Variants in NSMAF observed in about 807,000 individuals in gnomAD.
NSMAF encodes protein FAN.
NSMAF carries 90 observed loss-of-function variants against 134.9 expected under a neutral mutation model. The ratio of observed to expected loss-of-function variants is 0.67; its 90% CI spans 0.56 to 0.79. The LOEUF is 0.79. Ranked by LOEUF, NSMAF falls within the 30% of genes least tolerant of loss-of-function variation. NSMAF has a pLI of 0.00. For missense variants in NSMAF, 1,010 were observed against 1,119.0 expected (o/e 0.90, Z 1.39); for synonymous variants, 358 against 389.6 (o/e 0.92, Z 0.96).
At chr8:58,654,338 A>G (rs976746622) in intron 1 of NSMAF, among the ~76,000 whole-genome samples, 3 of 152,166 alleles carry the variant, frequency 2.0e-5, no homozygotes, top group Admixed American at 1.3e-4. Context: ...CTCACCTGAG[A>G]TCGGGAGTTC....
At chr8:58,610,352 C>T (rs1806500802) in intron 9 of NSMAF, among the ~76,000 whole-genome samples, 1 of 152,158 alleles carries the variant, frequency 6.6e-6, no homozygotes, top group African/African-American at 2.4e-5. Context: ...GGGAAAACAA[C>T]CAAATCATCA....
chr8:58,635,110 T>C (rs1439638456), intron 5 of NSMAF, 79 bp downstream of exon 5: 1 of 1,050,424 alleles, frequency 9.5e-7, no homozygotes, highest in East Asian at 2.4e-5. Context: ...TCATCTGATA[T>C]CTCTACAAGT....
At position 58,659,520 on chromosome 8, in the gene NSMAF, C is replaced by G. The variant is rs1166829526; in HGVS notation, c.59+53G>C. 2.0e-6 allele frequency: 3 copies of G among 1,510,348 alleles called. No individual in the cohort carries two copies. In the Admixed American group the frequency reaches 6.2e-5, roughly 31 times the overall value. 93.6% of individuals were successfully genotyped at this position (1,510,348 alleles called of 1,614,324 possible). A position where few individuals can be genotyped will look rare whatever the true frequency, so the allele number is the denominator to read the frequency against. On this transcript the variant is annotated intron_variant, in intron 1 of 30. Coordinates refer to ENST00000038176, the MANE Select transcript of NSMAF (RefSeq NM_003580.4). ...CTCAGATCTCCGGCCGGCGTCCCCA[C>G]GACCGGCCCCGACTAGGCCCCCGGC...
chr8:58,622,460 C>G (rs1169869348), intron 9 of NSMAF, among the ~76,000 whole-genome samples: 1 of 151,900 alleles, frequency 6.6e-6, no homozygotes, highest in Non-Finnish European at 1.5e-5. Flanking sequence ...GTGGCATGAT[C>G]TTAGCTCACT....
rs371130332 is a variant in NSMAF, at chr8:58,602,134, A to T, written c.1049T>A (p.Leu350Ter). The part of the protein sequence containing the change: ...IHDYSSSELD[L>*]SNPGTFRDLS... ...ATCCCGGAAGGTTCCTGGATTTGAC[A>T]AATCTATAAACATAAATCAATAAAT... The change falls in exon 14 of 31, where the codon TTG becomes TAG. Residue 350 changes from leucine to a stop codon, truncating the protein, a stop_gained. Transcript: ENST00000038176. LOFTEE classifies it high-confidence loss of function. The T allele has an allele frequency of 1.9e-6, 3 of 1,611,138 alleles. No individual in the cohort carries two copies. The highest frequency in any genetic ancestry group is 2.5e-6 in the Non-Finnish European group (3 of 1,177,648).
intron 23 of NSMAF, among the ~76,000 whole-genome samples, chr8:58,592,955 A>G (rs904871418): frequency 9.2e-5 from 14 of 152,138 alleles, no homozygotes; most frequent in African/African-American, 2.9e-4. Context: ...GTGAAAATCC[A>G]CAGAGGAGTG....
At chr8:58,595,925 C>T (rs781549080) in intron 21 of NSMAF, 5 of 286,900 alleles carry the variant, frequency 1.7e-5, no homozygotes, top group Non-Finnish European at 2.7e-5. Flanking sequence ...CGGCCTCTAA[C>T]TTATGAATTT....
intron 1 of NSMAF, among the ~76,000 whole-genome samples, chr8:58,650,461 G>T (rs189782943): frequency 2.6e-4 from 40 of 151,580 alleles, no homozygotes; most frequent in Non-Finnish European, 8.8e-5. Flanking sequence ...TTCTTTTTTA[G>T]CTTCCTTCCA....
At chr8:58,641,949 G>A (rs1188027800) in intron 2 of NSMAF, among the ~76,000 whole-genome samples, 1 of 152,186 alleles carries the variant, frequency 6.6e-6, no homozygotes, top group Non-Finnish European at 1.5e-5. Context: ...AAGGCACTAT[G>A]ATGATATACG....
At chr8:58,585,823 C>T (rs1805871035) in intron 29 of NSMAF, 62 bp from the exon 30 acceptor site, 1 of 1,577,552 alleles carries the variant, frequency 6.3e-7, no homozygotes, top group Non-Finnish European at 8.7e-7. Flanking sequence ...GTTGAACTGG[C>T]CAATGTAAGC....
At chr8:58,644,959 T>TTGGCGGG (rs1277415270) in intron 1 of NSMAF, among the ~76,000 whole-genome samples, 1 of 151,850 alleles carries the variant, frequency 6.6e-6, no homozygotes, top group Non-Finnish European at 1.5e-5. Context: ...CGGGGACCTG[T>TTGGCGGG]TGGCGGGGTG....
At position 58,659,270 on chromosome 8, in the gene NSMAF, C is replaced by T. The variant is rs114872292; in HGVS notation, c.59+303G>A. On this transcript the variant is annotated intron_variant, in intron 1 of 30. Coordinates refer to ENST00000038176, the MANE Select transcript of NSMAF (RefSeq NM_003580.4). ...CGCGCGGCCTTCCGGGTGAGCTGCC[C>T]GCGGCCGCCGGGACCTGCACTGCCG... The T allele has an allele frequency of 5.0e-3, 7,536 of 1,511,738 alleles. 321 individuals are homozygous for T. The African/African-American group carries it at 0.092, about 18-fold the overall frequency. The allele number at this position is 1,511,738 out of a possible 1,614,324, so 93.6% of individuals were successfully genotyped here.
chr8:58,618,047 A>G (rs905580230), intron 9 of NSMAF, among the ~76,000 whole-genome samples: 11 of 152,328 alleles, frequency 7.2e-5, no homozygotes, highest in Admixed American at 3.9e-4. Context: ...CATTCTCAGC[A>G]AACTATCGCA....
chr8:58,634,246 G>T (rs964822776), intron 5 of NSMAF, among the ~76,000 whole-genome samples: 3 of 152,164 alleles, frequency 2.0e-5, no homozygotes, highest in African/African-American at 7.2e-5. Context: ...AATCATGGAA[G>T]GTAGATGTAG....
intron 6 of NSMAF, among the ~76,000 whole-genome samples, chr8:58,624,798 C>T (rs1806878954): frequency 1.3e-5 from 2 of 152,278 alleles, no homozygotes; most frequent in Non-Finnish European, 2.9e-5. Flanking sequence ...TGTTTCCTTA[C>T]TGATGTCCTA....
intron 2 of NSMAF, among the ~76,000 whole-genome samples, chr8:58,638,803 C>T (rs986127565): frequency 1.3e-5 from 2 of 151,968 alleles, no homozygotes; most frequent in Admixed American, 1.3e-4. Context: ...TTCTGTGCAT[C>T]AAGAAAAATA....
In NSMAF at chr8:58,623,241, C is replaced by G; in HGVS notation, c.536G>C (p.Arg179Thr). 6.2e-7 allele frequency: 1 copy of G among 1,609,986 alleles called. No individual in the cohort carries two copies. Among genetic ancestry groups the G allele is most frequent in the Non-Finnish European group, 8.5e-7 (1 of 1,177,792 alleles). Residue 179 changes from arginine to threonine, a missense_variant, in exon 9 of 31, where the codon AGA becomes ACA. Coordinates refer to ENST00000038176, the MANE Select transcript of NSMAF (RefSeq NM_003580.4). The stretch of plus-strand genomic sequence containing the variant: ...TTACCTGTTTTTGTCAAATGATGTT[C>G]TAGCTAAACGAGACTGCAAAATAGC... ...ITAILQSRLA[R>T]TSFDKNRFQN...
chr8:58,609,878 T>C, intron 9 of NSMAF, 145 bp from the exon 10 acceptor site: 1 of 755,062 alleles, frequency 1.3e-6, no homozygotes. Context: ...TATAAATTGA[T>C]TGCTTAGATA....
Position 58,609,734 on chromosome 8 carries a change from C to T in NSMAF, c.558-1G>A, listed in dbSNP as rs1806485030. On this transcript the variant is annotated splice_acceptor_variant, in intron 9 of 30. Coordinates refer to ENST00000038176, the MANE Select transcript of NSMAF (RefSeq NM_003580.4). LOFTEE classifies it high-confidence loss of function. ...CAGCTTTTCAGAAATGTTTTGGAAC[C>T]TGAAAATAGGTTTTTCAGCAAAAGT... 6.2e-7 allele frequency: 1 copy of T among 1,613,846 alleles called. No homozygotes were observed. The highest frequency in any genetic ancestry group is 8.5e-7 in the Non-Finnish European group (1 of 1,179,932).
Sources: allele counts gnomAD v4.1 joint callset (sites outside exome capture counted in the v4.1 genomes callset), GRCh38; gene constraint gnomAD v4.1.1; transcripts MANE v1.5; gene names NCBI Gene and HGNC (gene_info 2026-07-23, HGNC 2026-07-21).